SUFU: variants seen among roughly 807,000 people sequenced by gnomAD.
The protein encoded by SUFU is suppressor of fused homolog.
A neutral mutation model predicts 58.9 loss-of-function variants in SUFU; 7 were observed. That is an observed-to-expected ratio of 0.12 (90% confidence interval 0.07 to 0.22). The LOEUF is 0.22. Among genes scored for constraint, SUFU ranks in the 10% least tolerant of loss-of-function variants. The pLI, the probability that SUFU is intolerant of heterozygous loss-of-function variation, is 1.00. For missense variants in SUFU, 451 were observed against 641.3 expected (o/e 0.70, Z 3.20); for synonymous variants, 232 against 254.8 (o/e 0.91, Z 0.85).
At chr10:102,580,777 CCAGAAATGTCATTTGTGGCTGTGCTA>C (rs2063269141) in intron 3 of SUFU, among the ~76,000 whole-genome samples, 1 of 152,026 alleles carries the variant, frequency 6.6e-6, no homozygotes, top group Admixed American at 6.5e-5. Context: ...GCTAAGGGCT[CCAGAAATGTCATTTGTGGCTGTGCTA>C]CACCCTGTGG....
intron 3 of SUFU, among the ~76,000 whole-genome samples, chr10:102,571,486 G>A (rs140046090): frequency 2.7e-4 from 41 of 149,748 alleles, no homozygotes; most frequent in East Asian, 9.9e-4. Flanking sequence ...GCAACATGCC[G>A]AAACCCTGTC....
intron 2 of SUFU, among the ~76,000 whole-genome samples, chr10:102,512,631 CAA>C (rs1000707511): frequency 6.6e-6 from 1 of 152,178 alleles, no homozygotes; most frequent in South Asian, 2.1e-4. Flanking sequence ...TCATTTATGA[CAA>C]GAGTGAAACC....
chr10:102,598,799 AG>A, intron 7 of SUFU, among the ~76,000 whole-genome samples: 1 of 152,224 alleles, frequency 6.6e-6, no homozygotes, highest in East Asian at 1.9e-4. Flanking sequence ...ACAGGGGACC[AG>A]ACTAGTAAGC....
chr10:102,515,315 C>CTTTTT (rs35257917), intron 2 of SUFU, among the ~76,000 whole-genome samples: 8 of 130,240 alleles, frequency 6.1e-5, no homozygotes, highest in Middle Eastern at 3.9e-3. Flanking sequence ...TTTGCCGGAA[C>CTTTTT]TTTTTTTTTT....
At chr10:102,589,067 T>G (rs1193188925) in intron 3 of SUFU, among the ~76,000 whole-genome samples, 3 of 151,648 alleles carry the variant, frequency 2.0e-5, no homozygotes, top group Non-Finnish European at 4.4e-5. Context: ...CAGCTACAGG[T>G]GTGCACTACC....
intron 1 of SUFU, among the ~76,000 whole-genome samples, chr10:102,507,965 T>A (rs992855676): frequency 1.0e-4 from 15 of 148,144 alleles, no homozygotes; most frequent in Non-Finnish European, 2.2e-4. Context: ...TTATCCATTT[T>A]TTTTTTTTTT....
chr10:102,550,217 CTA>C, intron 3 of SUFU, 111 bp downstream of exon 3: 1 of 1,495,388 alleles, frequency 6.7e-7, no homozygotes, highest in Non-Finnish European at 9.1e-7. Context: ...CCTGGGAGTA[CTA>C]TGCCCCAATT....
chr10:102,517,139 T>A (rs1477025921), intron 2 of SUFU, among the ~76,000 whole-genome samples: 2 of 131,926 alleles, frequency 1.5e-5, no homozygotes, highest in African/African-American at 2.9e-5. Context: ...AAAAAAAAAA[T>A]TAGCTGGGCA....
intron 3 of SUFU, among the ~76,000 whole-genome samples, chr10:102,560,250 T>C (rs1367315644): frequency 5.9e-5 from 9 of 152,226 alleles, no homozygotes; most frequent in Non-Finnish European, 1.0e-4. Flanking sequence ...CAGGTTTTGT[T>C]TGCCATGCGT....
At position 102,599,471 on chromosome 10, in the gene SUFU, G is replaced by A. The variant is rs988284678; in HGVS notation, c.949G>A (p.Glu317Lys). Residue 317 changes from glutamate to lysine, a missense_variant, in exon 8 of 12, where the codon GAG (glutamate) becomes AAG (lysine). By Grantham distance (56) the Glu-to-Lys change is moderately conservative. Transcript: ENST00000369902. ...QIRETLRRGL[E>K]INSKPVLPPI... The stretch of plus-strand genomic sequence containing the variant: ...CCGGGAGACCCTGAGGAGAGGACTC[G>A]AGATCAACAGCAAACCTGTCCTTCC... 11 of 1,614,028 alleles carry A rather than the reference G, an allele frequency of 6.8e-6. No individual in the cohort carries two copies. Among genetic ancestry groups the A allele is most frequent in the Admixed American group, 3.3e-5 (2 of 59,994 alleles).
chr10:102,592,297 G>A (rs369565108), intron 3 of SUFU, among the ~76,000 whole-genome samples: 12 of 152,186 alleles, frequency 7.9e-5, no homozygotes, highest in African/African-American at 2.7e-4. Flanking sequence ...TTGGGGAAGC[G>A]AAGCAGATGC....
In SUFU at chr10:102,619,266, G is replaced by T; in HGVS notation, c.1296+1838G>T. Reference sequence around the variant, plus strand: ...TCCCCAAGCCCCTGACCCCCTAGCTGCCGGGGTTCCCACTCCCAGTGCCAC... The same window carrying T: ...TCCCCAAGCCCCTGACCCCCTAGCTTCCGGGGTTCCCACTCCCAGTGCCAC... On this transcript the variant is annotated intron_variant, in intron 10 of 11. Coordinates refer to ENST00000369902, the MANE Select transcript of SUFU (RefSeq NM_016169.4). This position sits in a 1 kb window ranked among gnomAD's most constrained non-coding sequence, Gnocchi z 4.2. The T allele has an allele frequency of 6.9e-7, 1 of 1,456,710 alleles. No homozygotes were observed. Among genetic ancestry groups the T allele is most frequent in the Non-Finnish European group, 9.0e-7 (1 of 1,105,610 alleles). The allele number at this position is 1,456,710 out of a possible 1,614,324, so 90.2% of individuals were successfully genotyped here. A position where few individuals can be genotyped will look rare whatever the true frequency, so the allele number is the denominator to read the frequency against.
intron 2 of SUFU, 42 bp downstream of exon 2, chr10:102,509,345 T>A: frequency 6.2e-7 from 1 of 1,610,916 alleles, no homozygotes. Context: ...GCCTTATTCC[T>A]GAGGTCTTCC....
chr10:102,508,298 A>C (rs1182595430), intron 1 of SUFU, among the ~76,000 whole-genome samples: 1 of 152,166 alleles, frequency 6.6e-6, no homozygotes, highest in Non-Finnish European at 1.5e-5. Flanking sequence ...TTTAAAAAGC[A>C]CTGATTACTA....
intron 8 of SUFU, among the ~76,000 whole-genome samples, chr10:102,600,002 C>G (rs989479313): frequency 6.6e-6 from 1 of 152,156 alleles, no homozygotes. Flanking sequence ...GGCTGAGGCC[C>G]TTCTTCCTGC....
intron 2 of SUFU, among the ~76,000 whole-genome samples, chr10:102,524,870 C>G (rs750120225): frequency 6.6e-6 from 1 of 152,164 alleles, no homozygotes; most frequent in Non-Finnish European, 1.5e-5. Flanking sequence ...GAAGCTCTTG[C>G]TTTGGGGTTT....
chr10:102,611,887 C>T (rs547048541), intron 8 of SUFU, among the ~76,000 whole-genome samples: 4 of 152,218 alleles, frequency 2.6e-5, no homozygotes, highest in South Asian at 2.1e-4. Context: ...CAGTCCCCAG[C>T]GGGTATGAGC....
At chr10:102,608,965 G>A (rs767942305) in intron 8 of SUFU, among the ~76,000 whole-genome samples, 7 of 152,174 alleles carry the variant, frequency 4.6e-5, no homozygotes, top group Non-Finnish European at 1.0e-4. Flanking sequence ...TGTCTTCCAG[G>A]AAGGCAGTTC....
At chr10:102,554,529 A>G (rs1342929615) in intron 3 of SUFU, among the ~76,000 whole-genome samples, 1 of 152,246 alleles carries the variant, frequency 6.6e-6, no homozygotes, top group African/African-American at 2.4e-5. Flanking sequence ...AACCTCCCTT[A>G]CGTCTCCTTT....
Sources: allele counts gnomAD v4.1 joint callset (sites outside exome capture counted in the v4.1 genomes callset), GRCh38; gene constraint gnomAD v4.1.1; non-coding constraint Gnocchi (gnomAD v3.1); transcripts MANE v1.5; gene names NCBI Gene and HGNC (gene_info 2026-07-23, HGNC 2026-07-21).